The following FHIT variants were observed in gnomAD, a reference collection of about 807,000 sequenced individuals.
FHIT encodes the protein bis(5'-adenosyl)-triphosphatase.
FHIT carries 19 observed loss-of-function variants against 17.9 expected under a neutral mutation model. That is an observed-to-expected ratio of 1.06 (90% confidence interval 0.74 to 1.56). FHIT has a LOEUF of 1.56. Among genes scored for constraint, FHIT ranks in the 40% most tolerant of loss-of-function variants. The pLI is 0.00. For missense variants in FHIT, 248 were observed against 189.2 expected (o/e 1.31, Z -1.82); for synonymous variants, 81 against 69.7 (o/e 1.16, Z -0.81).
intron 5 of FHIT, among the ~76,000 whole-genome samples, chr3:60,416,043 AAATT>A (rs1466479721): frequency 6.6e-6 from 1 of 151,562 alleles, no homozygotes; most frequent in African/African-American, 2.4e-5. Context: ...AATTCTTATT[AAATT>A]ATTACTTTTA....
In FHIT at chr3:60,385,881, A is replaced by G. The variant is rs539110904; in HGVS notation, c.103+150979T>C. ...ATGTGAGCCACTGTGCCTGGTCCATATAAGATTTTAGAGTATTACTCTAAG... is the reference window on the plus strand; with the variant it reads ...ATGTGAGCCACTGTGCCTGGTCCATGTAAGATTTTAGAGTATTACTCTAAG... On this transcript the variant is annotated intron_variant, in intron 5 of 9. Transcript: ENST00000492590. Among the ~76,000 whole-genome samples, 28 of 152,252 alleles carry G rather than the reference A, an allele frequency of 1.8e-4. 1 individual carries two copies. The South Asian group carries it at 5.2e-3, about 28-fold the overall frequency.
chr3:61,069,485 T>C (rs2034729463), intron 2 of FHIT, among the ~76,000 whole-genome samples: 1 of 152,154 alleles, frequency 6.6e-6, no homozygotes, highest in Admixed American at 6.5e-5. Context: ...ACTGTTATGG[T>C]AGGTGATAAC....
chr3:60,618,672 T>C (rs1553676926), intron 4 of FHIT, among the ~76,000 whole-genome samples: 2 of 152,204 alleles, frequency 1.3e-5, no homozygotes, highest in South Asian at 2.1e-4. Flanking sequence ...GAATATGTTA[T>C]GCAAAAAGAT....
chr3:59,891,758 T>A (rs1451940731), intron 8 of FHIT, among the ~76,000 whole-genome samples: 1 of 152,142 alleles, frequency 6.6e-6, no homozygotes, highest in East Asian at 1.9e-4. Context: ...AAAAATTGGA[T>A]ATTCCTGGAT....
intron 4 of FHIT, among the ~76,000 whole-genome samples, chr3:60,803,699 C>G (rs1701282067): frequency 6.6e-6 from 1 of 152,126 alleles, no homozygotes; most frequent in South Asian, 2.1e-4. Context: ...GATTCCTACG[C>G]TGTCCCTGCC....
At chr3:60,545,732 A>T (rs373638927) in intron 4 of FHIT, among the ~76,000 whole-genome samples, 13 of 152,170 alleles carry the variant, frequency 8.5e-5, no homozygotes, top group African/African-American at 2.4e-4. Flanking sequence ...TTGATTTTTT[A>T]GAATTTGAGG....
chr3:60,887,980 T>C (rs1303438220), intron 3 of FHIT, among the ~76,000 whole-genome samples: 1 of 152,208 alleles, frequency 6.6e-6, no homozygotes, highest in Non-Finnish European at 1.5e-5. Flanking sequence ...TCCAATCTCC[T>C]TGATTTGAGG....
intron 3 of FHIT, among the ~76,000 whole-genome samples, chr3:60,939,520 A>T (rs1708323596): frequency 6.6e-6 from 1 of 152,160 alleles, no homozygotes; most frequent in Admixed American, 6.5e-5. Flanking sequence ...TCCTATTTTT[A>T]AAAAATTCAC....
At chr3:60,862,898 A>G (rs1198739473) in intron 3 of FHIT, among the ~76,000 whole-genome samples, 2 of 151,984 alleles carry the variant, frequency 1.3e-5, no homozygotes, top group Non-Finnish European at 2.9e-5. Flanking sequence ...CCAATTAAAC[A>G]CTAGATTAGG....
At chr3:60,070,990 T>G (rs1702744441) in intron 5 of FHIT, among the ~76,000 whole-genome samples, 1 of 152,106 alleles carries the variant, frequency 6.6e-6, no homozygotes, top group Non-Finnish European at 1.5e-5. Context: ...TTCACTCTCT[T>G]TAGAAGAGAA....
At chr3:59,849,712 T>A (rs1478530714) in intron 8 of FHIT, among the ~76,000 whole-genome samples, 1 of 152,228 alleles carries the variant, frequency 6.6e-6, no homozygotes, top group African/African-American at 2.4e-5. Flanking sequence ...TGACGAACTA[T>A]CTAAAACTTC....
At chr3:60,933,417 G>T (rs577098991) in intron 3 of FHIT, among the ~76,000 whole-genome samples, 7 of 152,284 alleles carry the variant, frequency 4.6e-5, no homozygotes, top group African/African-American at 1.7e-4. Context: ...GTGATATATT[G>T]AATTCTTCTT....
At chr3:60,343,881 T>C (rs1246679889) in intron 5 of FHIT, among the ~76,000 whole-genome samples, 9 of 152,326 alleles carry the variant, frequency 5.9e-5, no homozygotes, top group African/African-American at 1.4e-4. Context: ...CCATGAAGCA[T>C]GCTTTTGGTG....
At chr3:60,239,216 T>G (rs954786383) in intron 5 of FHIT, among the ~76,000 whole-genome samples, 7 of 152,212 alleles carry the variant, frequency 4.6e-5, no homozygotes, top group African/African-American at 1.7e-4. Context: ...GCTATATACT[T>G]GTTTCTGCTT....
chr3:59,788,363 C>G (rs1699401572), intron 8 of FHIT, among the ~76,000 whole-genome samples: 1 of 152,148 alleles, frequency 6.6e-6, no homozygotes. Flanking sequence ...ATGCTGTATC[C>G]AGGGCAGAAA....
At chr3:60,935,510 A>G (rs138760487) in intron 3 of FHIT, among the ~76,000 whole-genome samples, 1 of 152,356 alleles carries the variant, frequency 6.6e-6, no homozygotes, top group African/African-American at 2.4e-5. Context: ...TACACAGGGA[A>G]ATAAGCTGCA....
chr3:60,177,437 C>G (rs972589230), intron 5 of FHIT, among the ~76,000 whole-genome samples: 1 of 152,100 alleles, frequency 6.6e-6, no homozygotes, highest in Non-Finnish European at 1.5e-5. Context: ...CAGTTTCTCC[C>G]TAACACTAAA....
intron 5 of FHIT, among the ~76,000 whole-genome samples, chr3:60,233,106 C>T (rs1005521229): frequency 1.3e-5 from 2 of 152,072 alleles, no homozygotes; most frequent in South Asian, 2.1e-4. Context: ...TATTGAAACT[C>T]GGCAATGGGT....
rs1490575220 is a variant in FHIT, at chr3:60,690,602, TCA to T, written c.-18+131315_-18+131316del. 5.6e-6 allele frequency: 3 copies of T among 533,352 alleles called. No homozygotes were observed. The Admixed American group carries it at 5.9e-5, about 11-fold the overall frequency. 33.0% of individuals were successfully genotyped at this position (533,352 alleles called of 1,614,324 possible). On this transcript the variant is annotated intron_variant, in intron 4 of 9. Coordinates refer to ENST00000492590, the MANE Select transcript of FHIT (RefSeq NM_002012.4). ...TAATCAAATCCTTTTTCTCCAGTGC[TCA>T]GAGCATGAAAATTTTCTGCTGTCTT...
Sources: gnomAD v4.1 joint callset for allele counts (sites outside exome capture counted in the v4.1 genomes callset) on GRCh38, gnomAD v4.1.1 for gene constraint, MANE v1.5 for transcripts, NCBI Gene and HGNC (gene_info 2026-07-23, HGNC 2026-07-21) for gene names.